The following TRAF3IP1 variants were observed in gnomAD, a reference collection of about 807,000 sequenced individuals.
TRAF3IP1 encodes intraflagellar transport 54, also known as TRAF3-interacting protein 1.
TRAF3IP1 carries 53 observed loss-of-function variants against 89.9 expected under a neutral mutation model. The ratio of observed to expected loss-of-function variants is 0.59; its 90% CI spans 0.47 to 0.74. TRAF3IP1 has a LOEUF of 0.74. TRAF3IP1 is among the 30% of genes least tolerant of loss of function. The probability of loss-of-function intolerance (pLI) is 0.00; values close to 1 mark genes in which losing one functional copy is unlikely to be tolerated. For missense variants in TRAF3IP1, 806 were observed against 866.1 expected (o/e 0.93, Z 0.87); for synonymous variants, 311 against 322.1 (o/e 0.97, Z 0.37).
At position 238,338,533 on chromosome 2, in the gene TRAF3IP1, A is replaced by G. The variant is rs73090911; in HGVS notation, c.1159+76A>G. 0.3 allele frequency: 241,439 copies of G among 793,140 alleles called. 39,722 individuals are homozygous for G. Among genetic ancestry groups the G allele is most frequent in the Middle Eastern group, 0.41 (1,091 of 2,658 alleles). 49.1% of individuals were successfully genotyped at this position (793,140 alleles called of 1,614,324 possible). A position where few individuals can be genotyped will look rare whatever the true frequency, so the allele number is the denominator to read the frequency against. ...TGGTTATATCTCAATGTAGTTATAC[A>G]TTGTTAAAAAATTATTCTAACTACT... On this transcript the variant is annotated intron_variant, in intron 8 of 16. Coordinates refer to ENST00000373327, the MANE Select transcript of TRAF3IP1 (RefSeq NM_015650.4).
intron 15 of TRAF3IP1, among the ~76,000 whole-genome samples, chr2:238,380,527 C>T (rs553877740): frequency 6.6e-5 from 10 of 152,100 alleles, no homozygotes; most frequent in Non-Finnish European, 1.5e-4. Flanking sequence ...CACTGCTGCC[C>T]GACCCAGTGG....
intron 2 of TRAF3IP1, 120 bp from the exon 3 acceptor site, chr2:238,325,689 T>C: frequency 1.0e-6 from 1 of 995,048 alleles, no homozygotes; most frequent in Non-Finnish European, 1.5e-6. Flanking sequence ...AGATTTGTTA[T>C]ATATCTAAAA....
At chr2:238,373,160 G>T (rs1192845728) in intron 15 of TRAF3IP1, among the ~76,000 whole-genome samples, 1 of 152,102 alleles carries the variant, frequency 6.6e-6, no homozygotes, top group Non-Finnish European at 1.5e-5. Context: ...GTGTATTTTG[G>T]CTTTTGTTGC....
At chr2:238,377,462 T>C (rs1170217637) in intron 15 of TRAF3IP1, among the ~76,000 whole-genome samples, 1 of 152,074 alleles carries the variant, frequency 6.6e-6, no homozygotes, top group Non-Finnish European at 1.5e-5. Flanking sequence ...ACTAAATGCT[T>C]TTTCTGGGTC....
chr2:238,381,123 T>A (rs1700529374), intron 15 of TRAF3IP1, among the ~76,000 whole-genome samples: 2 of 148,632 alleles, frequency 1.3e-5, no homozygotes, highest in Admixed American at 1.4e-4. Context: ...TTTTTTTTTT[T>A]TAATTATTTA....
At position 238,347,404 on chromosome 2, in the gene TRAF3IP1, T is replaced by C. The variant is rs145871427; in HGVS notation, c.1262-51T>C. On this transcript the variant is annotated intron_variant, in intron 9 of 16. Transcript: ENST00000373327. ...CCAATTCTGTTCTCATCATTTAATG[T>C]ATTGAGGTTGACTACACGAAAGCTA... The C allele has an allele frequency of 3.5e-4, 564 of 1,598,902 alleles. No individual in the cohort carries two copies. In the African/African-American group the frequency reaches 6.4e-3, roughly 18 times the overall value.
At chr2:238,353,976 G>A (rs1302506644) in intron 14 of TRAF3IP1, among the ~76,000 whole-genome samples, 1 of 152,130 alleles carries the variant, frequency 6.6e-6, no homozygotes, top group Non-Finnish European at 1.5e-5. Flanking sequence ...TTTTCGCTAC[G>A]TTGGCCAGGC....
chr2:238,321,302 C>T (rs1697531510), intron 1 of TRAF3IP1, among the ~76,000 whole-genome samples: 1 of 152,242 alleles, frequency 6.6e-6, no homozygotes, highest in Admixed American at 6.5e-5. Flanking sequence ...ACCCCTCTCG[C>T]TTGCCCTGAA....
chr2:238,383,968 T>G (rs1700651966), intron 15 of TRAF3IP1, among the ~76,000 whole-genome samples: 1 of 152,184 alleles, frequency 6.6e-6, no homozygotes, highest in Non-Finnish European at 1.5e-5. Flanking sequence ...TTGTTCCTCT[T>G]TTGCTTATTT....
intron 1 of TRAF3IP1, among the ~76,000 whole-genome samples, chr2:238,323,340 A>G (rs1324031700): frequency 2.0e-5 from 3 of 152,104 alleles, no homozygotes; most frequent in Non-Finnish European, 4.4e-5. Flanking sequence ...CGGCCTCCCA[A>G]AGTGCCGAGA....
intron 15 of TRAF3IP1, among the ~76,000 whole-genome samples, chr2:238,381,111 GT>G (rs34082601): frequency 3.5e-3 from 485 of 136,824 alleles, no homozygotes; most frequent in African/African-American, 9.0e-3. Flanking sequence ...GGATGCTTGG[GT>G]TTTTTTTTTT....
At chr2:238,335,365 T>A (rs1698332474) in intron 7 of TRAF3IP1, among the ~76,000 whole-genome samples, 1 of 152,230 alleles carries the variant, frequency 6.6e-6, no homozygotes, top group South Asian at 2.1e-4. Flanking sequence ...GGTTCCAGGA[T>A]CACTTATTCA....
chr2:238,340,419 G>A (rs1363194526), intron 8 of TRAF3IP1, among the ~76,000 whole-genome samples: 1 of 152,188 alleles, frequency 6.6e-6, no homozygotes, highest in East Asian at 1.9e-4. Context: ...GCCCTCGTGA[G>A]CCCTGTGCCC....
At chr2:238,321,508 A>T (rs1185570376) in intron 1 of TRAF3IP1, among the ~76,000 whole-genome samples, 2 of 152,186 alleles carry the variant, frequency 1.3e-5, no homozygotes, top group Non-Finnish European at 2.9e-5. Context: ...AGCCTGCCCT[A>T]CGTTGAGATT....
At chr2:238,362,226 G>A (rs1158993415) in intron 15 of TRAF3IP1, among the ~76,000 whole-genome samples, 1 of 151,478 alleles carries the variant, frequency 6.6e-6, no homozygotes, top group Non-Finnish European at 1.5e-5. Flanking sequence ...CCATCTTAAT[G>A]TTATTAGCTG....
At chr2:238,323,322 G>A (rs1408983747) in intron 1 of TRAF3IP1, among the ~76,000 whole-genome samples, 1 of 152,108 alleles carries the variant, frequency 6.6e-6, no homozygotes, top group Non-Finnish European at 1.5e-5. Context: ...CAGGTGATCC[G>A]CCTGCCTCGG....
At chr2:238,347,040 G>A (rs746032552) in intron 9 of TRAF3IP1, 27 of 171,418 alleles carry the variant, frequency 1.6e-4, no homozygotes, top group Non-Finnish European at 3.2e-4. Flanking sequence ...ATGGGCTGTT[G>A]TTGACTGTCT....
chr2:238,354,993 G>C (rs748925286), intron 14 of TRAF3IP1, among the ~76,000 whole-genome samples: 1 of 151,812 alleles, frequency 6.6e-6, no homozygotes, highest in Non-Finnish European at 1.5e-5. Context: ...CTGTTTGTTG[G>C]GTATATCCTA....
chr2:238,378,853 C>A (rs922574369), intron 15 of TRAF3IP1, among the ~76,000 whole-genome samples: 5 of 152,176 alleles, frequency 3.3e-5, no homozygotes, highest in African/African-American at 4.8e-5. Flanking sequence ...CTTGCAAACC[C>A]AATACCATGA....
Sources: gnomAD v4.1 joint callset for allele counts (sites outside exome capture counted in the v4.1 genomes callset) on GRCh38, gnomAD v4.1.1 for gene constraint, MANE v1.5 for transcripts, NCBI Gene and HGNC (gene_info 2026-07-23, HGNC 2026-07-21) for gene names.